Variants in CAMK1D observed in about 807,000 individuals in gnomAD.
CAMK1D encodes the protein calcium/calmodulin-dependent protein kinase type 1D.
CAMK1D carries 9 observed loss-of-function variants against 47.7 expected under a neutral mutation model. The observed-to-expected ratio is 0.19, with a 90% CI of 0.11 to 0.33. The LOEUF (loss-of-function observed/expected upper bound fraction) is 0.33, where lower values mean the gene tolerates loss of function less well. Among genes scored for constraint, CAMK1D ranks in the 10% least tolerant of loss-of-function variants. The pLI is 1.00. For missense variants in CAMK1D, 291 were observed against 488.7 expected (o/e 0.60, Z 3.81); for synonymous variants, 184 against 184.9 (o/e 0.99, Z 0.04).
chr10:12,732,848 T>C lies in CAMK1D; in HGVS notation c.300-28100T>C, dbSNP rs184469402. 3.5e-3 allele frequency among the ~76,000 whole-genome samples: 528 copies of C among 152,260 alleles called. 2 individuals carry two copies. Among genetic ancestry groups the C allele is most frequent in the African/African-American group, 0.012 (494 of 41,534 alleles). ...GAGCCCATGATTACAGTGCAGGCGA[T>C]GGAGCCAACAGGGCCCTCATTTGAG... On this transcript the variant is annotated intron_variant, in intron 3 of 10. Coordinates refer to ENST00000619168, the MANE Select transcript of CAMK1D (RefSeq NM_153498.4).
At chr10:12,642,433 C>T (rs1212899290) in intron 2 of CAMK1D, among the ~76,000 whole-genome samples, 2 of 152,242 alleles carry the variant, frequency 1.3e-5, no homozygotes, top group South Asian at 2.1e-4. Context: ...TGAGCAACCA[C>T]ACACCAAGGC....
intron 2 of CAMK1D, among the ~76,000 whole-genome samples, chr10:12,553,657 C>G (rs1203449459): frequency 6.6e-6 from 1 of 152,156 alleles, no homozygotes; most frequent in Non-Finnish European, 1.5e-5. Flanking sequence ...GGCTACAGAG[C>G]CCTGAGTCTT....
rs375060040 is a variant in CAMK1D at position 12,823,039 on chromosome 10, C to T, written c.834-1426C>T. Reference sequence around the variant, plus strand: ...CATCAGCCTGGATTCTAAACTTAGGCCAGCCTGGCCCCAATTTTATATCGA... The same window carrying T: ...CATCAGCCTGGATTCTAAACTTAGGTCAGCCTGGCCCCAATTTTATATCGA... On this transcript the variant is annotated intron_variant, in intron 8 of 10. Transcript: ENST00000619168. Among the ~76,000 whole-genome samples, 83 of 152,256 alleles carry T rather than the reference C, an allele frequency of 5.5e-4. 3 individuals are homozygous for T. The South Asian group carries it at 0.017, about 30-fold the overall frequency.
At chr10:12,752,719 G>T (rs1484468431) in intron 3 of CAMK1D, among the ~76,000 whole-genome samples, 1 of 152,198 alleles carries the variant, frequency 6.6e-6, no homozygotes, top group Non-Finnish European at 1.5e-5. Flanking sequence ...AATCTCTTGA[G>T]CATATGTAAT....
intron 2 of CAMK1D, among the ~76,000 whole-genome samples, chr10:12,627,411 A>C (rs1839252659): frequency 6.6e-6 from 1 of 152,152 alleles, no homozygotes; most frequent in South Asian, 2.1e-4. Context: ...TATATAATAA[A>C]ATATATCCAC....
intron 6 of CAMK1D, among the ~76,000 whole-genome samples, chr10:12,804,474 C>T (rs1394276082): frequency 1.3e-5 from 2 of 151,824 alleles, no homozygotes; most frequent in Non-Finnish European, 2.9e-5. Context: ...ATTAGCCAGG[C>T]GTGGTGGTGG....
At chr10:12,670,126 CTTTTT>C (rs58173311) in intron 3 of CAMK1D, among the ~76,000 whole-genome samples, 2 of 88,202 alleles carry the variant, frequency 2.3e-5, no homozygotes, top group Non-Finnish European at 4.6e-5. Flanking sequence ...TACCGTTTTG[CTTTTT>C]TTTTTTTTTT....
At chr10:12,774,073 G>C (rs1168491344) in intron 5 of CAMK1D, among the ~76,000 whole-genome samples, 2 of 121,472 alleles carry the variant, frequency 1.6e-5, no homozygotes, top group African/African-American at 3.1e-5. Context: ...TGCGGGGGGA[G>C]GGGGGCGGGT....
chr10:12,747,963 T>A (rs1835763393), intron 3 of CAMK1D, among the ~76,000 whole-genome samples: 1 of 152,190 alleles, frequency 6.6e-6, no homozygotes, highest in African/African-American at 2.4e-5. Flanking sequence ...GGTTTAAATG[T>A]TAATCTCATC....
chr10:12,804,089 AG>A (rs751846139), intron 6 of CAMK1D, among the ~76,000 whole-genome samples: 2 of 152,128 alleles, frequency 1.3e-5, no homozygotes, highest in African/African-American at 2.4e-5. Context: ...GTCTGCCTTG[AG>A]GGGTGTCATT....
chr10:12,806,719 T>C (rs10906226), intron 6 of CAMK1D, among the ~76,000 whole-genome samples: 1 of 151,992 alleles, frequency 6.6e-6, no homozygotes, highest in South Asian at 2.1e-4. Flanking sequence ...TGTAATCAGC[T>C]AGGTGATTTT....
intron 5 of CAMK1D, among the ~76,000 whole-genome samples, chr10:12,775,017 A>C (rs919813664): frequency 2.0e-5 from 3 of 151,338 alleles, no homozygotes; most frequent in African/African-American, 7.4e-5. Context: ...GAGAAGGCTC[A>C]GGCATTGATC....
intron 1 of CAMK1D, among the ~76,000 whole-genome samples, chr10:12,495,471 G>GT (rs1428346783): frequency 1.3e-5 from 2 of 152,124 alleles, no homozygotes; most frequent in East Asian, 1.9e-4. Flanking sequence ...TAATAGGTCA[G>GT]TTTTTTTCCA....
At chr10:12,730,802 G>A (rs1282241379) in intron 3 of CAMK1D, among the ~76,000 whole-genome samples, 1 of 152,190 alleles carries the variant, frequency 6.6e-6, no homozygotes, top group Non-Finnish European at 1.5e-5. Flanking sequence ...AGTAGGATGA[G>A]GACTGAGAAC....
intron 1 of CAMK1D, among the ~76,000 whole-genome samples, chr10:12,415,522 A>G (rs1468843536): frequency 7.0e-6 from 1 of 143,768 alleles, no homozygotes; most frequent in African/African-American, 2.6e-5. Context: ...CTGGTCTCAA[A>G]CTCCTGACCT....
intron 2 of CAMK1D, among the ~76,000 whole-genome samples, chr10:12,649,080 C>A (rs552132715): frequency 6.6e-6 from 1 of 152,270 alleles, no homozygotes; most frequent in South Asian, 2.1e-4. Context: ...GTTGCCCAGG[C>A]TGGTCTTGAC....
chr10:12,373,150 G>A (rs1297964693), intron 1 of CAMK1D, among the ~76,000 whole-genome samples: 5 of 151,962 alleles, frequency 3.3e-5, no homozygotes, highest in South Asian at 4.2e-4. Flanking sequence ...AATTGGTACT[G>A]TGTCCATGCC....
intron 1 of CAMK1D, among the ~76,000 whole-genome samples, chr10:12,394,656 C>T (rs1286078537): frequency 2.6e-5 from 4 of 152,112 alleles, no homozygotes; most frequent in Non-Finnish European, 4.4e-5. Context: ...GAGGTGGTAG[C>T]GTTGACATCA....
At chr10:12,766,384 A>T (rs1836766464) in intron 4 of CAMK1D, among the ~76,000 whole-genome samples, 1 of 105,002 alleles carries the variant, frequency 9.5e-6, no homozygotes, top group Non-Finnish European at 1.8e-5. Context: ...TTTTTTTGAG[A>T]CGGAGTGTTG....
Sources: gnomAD v4.1 joint callset for allele counts (sites outside exome capture counted in the v4.1 genomes callset) on GRCh38, gnomAD v4.1.1 for gene constraint, MANE v1.5 for transcripts, NCBI Gene and HGNC (gene_info 2026-07-23, HGNC 2026-07-21) for gene names.